Variants in CNTN1 observed in about 807,000 individuals in gnomAD.
CNTN1 encodes contactin 1.
In CNTN1, 38 loss-of-function variants were observed where a neutral mutation model predicts 126.4. The ratio of observed to expected loss-of-function variants is 0.30; its 90% CI spans 0.23 to 0.39. The LOEUF (loss-of-function observed/expected upper bound fraction) is 0.39, where lower values mean the gene tolerates loss of function less well. Among genes scored for constraint, CNTN1 ranks in the 10% least tolerant of loss-of-function variants. The pLI, the probability that CNTN1 is intolerant of heterozygous loss-of-function variation, is 1.00. For synonymous variants in CNTN1, 413 were observed against 422.6 expected (o/e 0.98, Z 0.28); for missense variants, 1,009 against 1,248.4 (o/e 0.81, Z 2.89).
At chr12:40,732,979 A>G (rs988360314) in intron 1 of CNTN1, among the ~76,000 whole-genome samples, 5 of 152,016 alleles carry the variant, frequency 3.3e-5, no homozygotes, top group Non-Finnish European at 7.4e-5. Context: ...TATTTTTACT[A>G]GAAAATTTAT....
intron 1 of CNTN1, among the ~76,000 whole-genome samples, chr12:40,802,371 T>G (rs1444202655): frequency 1.3e-5 from 2 of 152,126 alleles, no homozygotes; most frequent in Non-Finnish European, 2.9e-5. Context: ...GTAACTTCAG[T>G]ATGGTCATGA....
chr12:40,871,497 T>G (rs930645414), intron 1 of CNTN1, among the ~76,000 whole-genome samples: 4 of 152,088 alleles, frequency 2.6e-5, no homozygotes, highest in African/African-American at 9.7e-5. Flanking sequence ...TTTGGGATAT[T>G]CTGAAGCTAG....
At chr12:41,014,656 G>T (rs779071097) in intron 18 of CNTN1, among the ~76,000 whole-genome samples, 1 of 152,102 alleles carries the variant, frequency 6.6e-6, no homozygotes, top group African/African-American at 2.4e-5. Context: ...TACAAACTTT[G>T]TATCAAAACC....
chr12:40,981,321 C>A (rs999373732), intron 16 of CNTN1, among the ~76,000 whole-genome samples: 1 of 152,030 alleles, frequency 6.6e-6, no homozygotes, highest in Admixed American at 6.6e-5. Context: ...AATGAGGCCT[C>A]CTGGGTTTCT....
chr12:41,045,211 A>G (rs1408054380), intron 23 of CNTN1, among the ~76,000 whole-genome samples: 2 of 152,074 alleles, frequency 1.3e-5, no homozygotes, highest in Non-Finnish European at 2.9e-5. Context: ...TTCTCTTCTG[A>G]AATAAGAGCA....
chr12:40,826,997 T>G (rs1037829755), intron 1 of CNTN1, among the ~76,000 whole-genome samples: 2 of 152,174 alleles, frequency 1.3e-5, no homozygotes, highest in Admixed American at 6.6e-5. Flanking sequence ...CTTAATTGAT[T>G]TTTATATCTA....
At chr12:40,887,459 A>C (rs1294764239) in intron 1 of CNTN1, among the ~76,000 whole-genome samples, 1 of 152,240 alleles carries the variant, frequency 6.6e-6, no homozygotes, top group African/African-American at 2.4e-5. Context: ...CAAAACCACA[A>C]TGAGATACCA....
At chr12:40,922,548 A>C in intron 5 of CNTN1, 120 bp downstream of exon 5, 1 of 867,492 alleles carries the variant, frequency 1.2e-6, no homozygotes, top group Non-Finnish European at 1.9e-6. Context: ...TTACAAGATG[A>C]GTGGACCCTA....
intron 1 of CNTN1, among the ~76,000 whole-genome samples, chr12:40,806,508 G>A (rs1396656759): frequency 1.3e-5 from 2 of 152,120 alleles, no homozygotes; most frequent in African/African-American, 2.4e-5. Context: ...GGCATCACAT[G>A]TCTATTCCTC....
chr12:40,949,702 G>C (rs1256136426), intron 14 of CNTN1, among the ~76,000 whole-genome samples: 1 of 146,164 alleles, frequency 6.8e-6, no homozygotes, highest in Non-Finnish European at 1.5e-5. Context: ...AGCCTCCCAA[G>C]TAGCTGGGAT....
intron 1 of CNTN1, among the ~76,000 whole-genome samples, chr12:40,774,139 A>G (rs1939484474): frequency 6.6e-6 from 1 of 151,642 alleles, no homozygotes; most frequent in African/African-American, 2.4e-5. Flanking sequence ...AGATAACATA[A>G]TAACTTGGTT....
At chr12:40,887,132 G>T (rs1354133630) in intron 1 of CNTN1, among the ~76,000 whole-genome samples, 2 of 151,828 alleles carry the variant, frequency 1.3e-5, no homozygotes, top group African/African-American at 4.8e-5. Flanking sequence ...GATGGGGATG[G>T]CATTGAATCT....
At chr12:40,981,930 T>TA (rs1378631082) in intron 16 of CNTN1, among the ~76,000 whole-genome samples, 2 of 149,696 alleles carry the variant, frequency 1.3e-5, no homozygotes, top group Admixed American at 6.6e-5. Flanking sequence ...TCCTCCTTTT[T>TA]AAAAAACTAA....
chr12:40,773,617 C>T (rs1252402535), intron 1 of CNTN1, among the ~76,000 whole-genome samples: 1 of 142,676 alleles, frequency 7.0e-6, no homozygotes, highest in Non-Finnish European at 1.5e-5. Flanking sequence ...GTTTTTCTGA[C>T]CTCTGACCAG....
intron 1 of CNTN1, among the ~76,000 whole-genome samples, chr12:40,829,562 A>C (rs1478534901): frequency 6.6e-6 from 1 of 152,174 alleles, no homozygotes; most frequent in African/African-American, 2.4e-5. Context: ...ATAAAATGCT[A>C]CATTTTATGC....
chr12:40,744,981 G>C (rs1384632385), intron 1 of CNTN1, among the ~76,000 whole-genome samples: 1 of 152,084 alleles, frequency 6.6e-6, no homozygotes, highest in Non-Finnish European at 1.5e-5. Context: ...TGATTGGACT[G>C]TAGCAATGTA....
intron 1 of CNTN1, among the ~76,000 whole-genome samples, chr12:40,711,547 C>G (rs1485359700): frequency 6.6e-6 from 1 of 152,060 alleles, no homozygotes; most frequent in Non-Finnish European, 1.5e-5. Context: ...CTCTCTTTAT[C>G]TTAAAAACAA....
At chr12:40,793,054 GA>G (rs1175291926) in intron 1 of CNTN1, among the ~76,000 whole-genome samples, 1 of 151,804 alleles carries the variant, frequency 6.6e-6, no homozygotes, top group African/African-American at 2.4e-5. Context: ...TTAACTCACA[GA>G]AAAAAAGAGA....
intron 1 of CNTN1, among the ~76,000 whole-genome samples, chr12:40,799,301 A>G (rs1008460617): frequency 7.9e-5 from 12 of 151,752 alleles, no homozygotes; most frequent in African/African-American, 2.9e-4. Flanking sequence ...TAATCTATAT[A>G]TAATAAAATC....
Sources: allele counts gnomAD v4.1 joint callset (sites outside exome capture counted in the v4.1 genomes callset), GRCh38; gene constraint gnomAD v4.1.1; transcripts MANE v1.5; gene names NCBI Gene and HGNC (gene_info 2026-07-23, HGNC 2026-07-21).